RANBP17: variants seen among roughly 807,000 people sequenced by gnomAD.
The protein encoded by RANBP17 is ran-binding protein 17.
In RANBP17, 158 loss-of-function variants were observed where a neutral mutation model predicts 141.2. That is an observed-to-expected ratio of 1.12 (90% CI 0.98 to 1.28). The LOEUF (loss-of-function observed/expected upper bound fraction) is 1.28, where lower values mean the gene tolerates loss of function less well. Among genes scored for constraint, RANBP17 ranks in the 50% most tolerant of loss-of-function variants. RANBP17 has a pLI of 0.00. For synonymous variants in RANBP17, 430 were observed against 450.0 expected (o/e 0.96, Z 0.56); for missense variants, 1,438 against 1,290.7 (o/e 1.11, Z -1.75).
At chr5:170,962,577 CTATT>C (rs1210438401) in intron 13 of RANBP17, among the ~76,000 whole-genome samples, 2 of 152,174 alleles carry the variant, frequency 1.3e-5, no homozygotes, top group Non-Finnish European at 2.9e-5. Flanking sequence ...ATGTATATAT[CTATT>C]TATTTAACTA....
chr5:171,043,720 A>G (rs971583779), intron 14 of RANBP17, among the ~76,000 whole-genome samples: 1 of 152,146 alleles, frequency 6.6e-6, no homozygotes, highest in Non-Finnish European at 1.5e-5. Flanking sequence ...AGGGAGTTGG[A>G]CTAGGGTAAG....
intron 13 of RANBP17, among the ~76,000 whole-genome samples, chr5:170,954,851 T>G (rs1387717613): frequency 6.6e-6 from 1 of 152,158 alleles, no homozygotes; most frequent in Non-Finnish European, 1.5e-5. Context: ...AAAGGACCAA[T>G]GTATCCTCTG....
intron 25 of RANBP17, among the ~76,000 whole-genome samples, chr5:171,274,148 G>GCA (rs1767338659): frequency 9.4e-6 from 1 of 106,016 alleles, no homozygotes; most frequent in Non-Finnish European, 2.1e-5. Flanking sequence ...GTGTGTGTGT[G>GCA]TGCGCGCGCG....
At chr5:171,216,789 A>G (rs911446716) in intron 21 of RANBP17, among the ~76,000 whole-genome samples, 4 of 152,222 alleles carry the variant, frequency 2.6e-5, no homozygotes, top group African/African-American at 7.2e-5. Flanking sequence ...GAAATTGCTT[A>G]TCAGTTTAAG....
At chr5:170,939,359 TTTTATTTATTTATTTATTTA>T (rs370040899) in intron 12 of RANBP17, among the ~76,000 whole-genome samples, 3,977 of 147,626 alleles carry the variant, frequency 0.027, 163 homozygotes, top group African/African-American at 0.094. Context: ...AAAAATTTTA[TTTTATTTATTTATTTATTTA>T]TTTATTTATT....
At chr5:170,898,785 C>T (rs1770360779) in intron 5 of RANBP17, among the ~76,000 whole-genome samples, 1 of 152,074 alleles carries the variant, frequency 6.6e-6, no homozygotes. Context: ...GAATCATTTC[C>T]CCATTTCTTG....
chr5:170,995,269 C>T (rs1336129974), intron 14 of RANBP17, among the ~76,000 whole-genome samples: 1 of 151,910 alleles, frequency 6.6e-6, no homozygotes, highest in African/African-American at 2.4e-5. Flanking sequence ...TTTGCATTTA[C>T]CATGTTGTCT....
intron 23 of RANBP17, among the ~76,000 whole-genome samples, chr5:171,241,479 C>G (rs903051507): frequency 6.6e-6 from 1 of 152,050 alleles, no homozygotes; most frequent in Non-Finnish European, 1.5e-5. Flanking sequence ...GTTAGTCAAC[C>G]TGTGTAAGAA....
intron 14 of RANBP17, among the ~76,000 whole-genome samples, chr5:171,094,952 TGGGTTGAATA>T (rs886306501): frequency 9.2e-5 from 14 of 152,210 alleles, no homozygotes; most frequent in Middle Eastern, 6.8e-3. Flanking sequence ...AAGAGGTGAT[TGGGTTGAATA>T]AAGTAAGTCC....
chr5:171,270,779 C>T (rs1767050865), intron 25 of RANBP17, among the ~76,000 whole-genome samples: 1 of 152,124 alleles, frequency 6.6e-6, no homozygotes, highest in Admixed American at 6.6e-5. Flanking sequence ...CTGAAAGCTT[C>T]TCTAAATCAG....
At chr5:171,190,656 C>T (rs184580756) in intron 18 of RANBP17, among the ~76,000 whole-genome samples, 30 of 152,084 alleles carry the variant, frequency 2.0e-4, no homozygotes, top group East Asian at 1.9e-4. Context: ...TAGTATTACC[C>T]GAGCCAGTAA....
intron 14 of RANBP17, among the ~76,000 whole-genome samples, chr5:171,144,452 CATTT>C (rs776860249): frequency 2.0e-5 from 3 of 152,086 alleles, no homozygotes; most frequent in Non-Finnish European, 4.4e-5. Context: ...TGTGATTGAT[CATTT>C]ATTTATTTCA....
At chr5:171,001,271 A>G (rs1379635865) in intron 14 of RANBP17, among the ~76,000 whole-genome samples, 1 of 152,136 alleles carries the variant, frequency 6.6e-6, no homozygotes, top group African/African-American at 2.4e-5. Context: ...ATATCGAATT[A>G]TTGGTGTTGG....
chr5:171,076,836 A>G (rs1054629321), intron 14 of RANBP17, among the ~76,000 whole-genome samples: 1 of 152,200 alleles, frequency 6.6e-6, no homozygotes, highest in African/African-American at 2.4e-5. Flanking sequence ...AGGGAAAAAA[A>G]TCCAACATTT....
At chr5:171,137,140 A>T (rs1332862133) in intron 14 of RANBP17, among the ~76,000 whole-genome samples, 1 of 152,204 alleles carries the variant, frequency 6.6e-6, no homozygotes, top group African/African-American at 2.4e-5. Context: ...ACTGGATAGG[A>T]ATTTAACTTG....
chr5:170,863,144 G>A (rs1364609595), intron 1 of RANBP17, among the ~76,000 whole-genome samples: 3 of 152,186 alleles, frequency 2.0e-5, no homozygotes, highest in Non-Finnish European at 4.4e-5. Context: ...AAGAGTCGTA[G>A]TTGTTTGCCA....
chr5:171,241,882 A>T (rs1455142632), intron 23 of RANBP17, among the ~76,000 whole-genome samples: 1 of 152,240 alleles, frequency 6.6e-6, no homozygotes, highest in African/African-American at 2.4e-5. Context: ...TCATTTAGCG[A>T]GTCTGAAGTG....
intron 14 of RANBP17, among the ~76,000 whole-genome samples, chr5:170,997,599 C>T (rs1778904129): frequency 1.3e-5 from 2 of 152,150 alleles, no homozygotes; most frequent in African/African-American, 4.8e-5. Flanking sequence ...GCCTATTTGG[C>T]TTAGTTAAAT....
chr5:170,970,684 A>C (rs1776922794), intron 14 of RANBP17: 1 of 152,130 alleles, frequency 6.6e-6, no homozygotes, highest in Non-Finnish European at 1.5e-5. Context: ...TGAATGGGTT[A>C]AGACACTATT....
Sources: allele counts gnomAD v4.1 joint callset (sites outside exome capture counted in the v4.1 genomes callset), GRCh38; gene constraint gnomAD v4.1.1; transcripts MANE v1.5; gene names NCBI Gene and HGNC (gene_info 2026-07-23, HGNC 2026-07-21).